The following PLCH2 variants were observed in gnomAD, a reference collection of about 807,000 sequenced individuals.
The protein encoded by PLCH2 is 1-phosphatidylinositol 4,5-bisphosphate phosphodiesterase eta-2.
A neutral mutation model predicts 134.7 loss-of-function variants in PLCH2; 98 were observed. The ratio of observed to expected loss-of-function variants is 0.73; its 90% CI spans 0.62 to 0.86. The LOEUF (loss-of-function observed/expected upper bound fraction) is 0.86. PLCH2 is among the 40% of genes least tolerant of loss of function. The probability of loss-of-function intolerance (pLI) is 0.00; values close to 1 mark genes in which losing one functional copy is unlikely to be tolerated. For missense variants in PLCH2, 1,994 were observed against 1,986.6 expected, an observed-to-expected ratio of 1.00 and a Z score of -0.07; for synonymous variants, 974 against 827.5, an observed-to-expected ratio of 1.18 and a Z score of -3.04.
chr1:2,484,424 G>A, intron 4 of PLCH2, 24 bp from the exon 5 acceptor site: 1 of 1,611,656 alleles, frequency 6.2e-7, no homozygotes, highest in South Asian at 1.1e-5. Context: ...GGTGCCAATG[G>A]GGACCCAAGG....
upstream of PLCH2, among the ~76,000 whole-genome samples, chr1:2,466,020 C>G (rs1476280248): frequency 1.3e-5 from 2 of 152,210 alleles, no homozygotes; most frequent in Non-Finnish European, 2.9e-5. Flanking sequence ...GTGGACTGTC[C>G]CAGGGGACAT....
In PLCH2 at chr1:2,480,324, G is replaced by A. The variant is rs1641894880; in HGVS notation, c.645+12G>A. ...AGCAGATGTTCAGGGTGAGCTGGGG[G>A]GAGCCCTACCTGGGCTCCAGAGCCA... is the stretch of plus-strand genomic sequence containing the variant. On this transcript the variant is annotated intron_variant, in intron 4 of 21. Transcript: ENST00000378486. 4.3e-6 allele frequency: 7 copies of A among 1,609,818 alleles called. No homozygotes were observed. Among genetic ancestry groups the A allele is most frequent in the South Asian group, 1.1e-5 (1 of 90,876 alleles).
At chr1:2,478,132 T>C (rs952293176) in intron 1 of PLCH2, among the ~76,000 whole-genome samples, 2 of 152,208 alleles carry the variant, frequency 1.3e-5, no homozygotes, top group Admixed American at 1.3e-4. Flanking sequence ...TTACCAGGGC[T>C]GCTAGGACTG....
chr1:2,501,610 A>C (rs1376394216), intron 20 of PLCH2: 1 of 155,902 alleles, frequency 6.4e-6, no homozygotes, highest in Non-Finnish European at 1.4e-5. Flanking sequence ...GGGCCGGGCA[A>C]GTGGGCCTCC....
intron 2 of PLCH2, among the ~76,000 whole-genome samples, chr1:2,452,866 G>T (rs537915304): frequency 1.6e-4 from 25 of 152,226 alleles, no homozygotes; most frequent in African/African-American, 5.5e-4. Flanking sequence ...TTTGTTGCCC[G>T]GAGCTCAGCA....
Position 2,476,479 on chromosome 1 carries a change from A to G in PLCH2, c.-110A>G. On this transcript the variant is annotated 5_prime_UTR_variant, in exon 1 of 22. Coordinates refer to ENST00000378486, the MANE Select transcript of PLCH2 (RefSeq NM_014638.4). ...AGGAGGAGGAAGAGGCAGAGGAGAG[A>G]AGGCCCCACGGAGGTCCTGTCGCCA... 9.6e-7 allele frequency: 1 copy of G among 1,040,960 alleles called. No homozygotes were observed. The highest frequency in any genetic ancestry group is 1.3e-6 in the Non-Finnish European group (1 of 746,966). The allele number at this position is 1,040,960 out of a possible 1,614,324, so 64.5% of individuals were successfully genotyped here.
rs758943913 is a variant in PLCH2 at position 2,504,498 on chromosome 1, G to A, written c.3536G>A (p.Arg1179His). ...AACCTCGCTGGAGCCCACATGGGAC[G>A]CCTGCCCCCCAGGCCCCACTCGGCT... is the stretch of plus-strand genomic sequence containing the variant. ...RENLAGAHMGRLPPRPHSASA... is the reference protein window; with the variant it reads ...RENLAGAHMGHLPPRPHSASA... Residue 1179 changes from arginine to histidine, a missense_variant, in exon 22 of 22, where the codon CGC (arginine) becomes CAC (histidine). This residue lies in a region of PLCH2 where 900 missense variants were observed against 752.3 expected (regional missense o/e 1.20). Transcript: ENST00000378486. The A allele has an allele frequency of 9.9e-6, 16 of 1,612,250 alleles. No homozygotes were observed. Among genetic ancestry groups the A allele is most frequent in the African/African-American group, 4.0e-5 (3 of 74,898 alleles).
At chr1:2,451,145 G>A (rs34977416) in intron 2 of PLCH2, among the ~76,000 whole-genome samples, 4 of 152,120 alleles carry the variant, frequency 2.6e-5, no homozygotes, top group Admixed American at 1.3e-4. Context: ...CAGCTGGGCC[G>A]AGTGCGCTCC....
chr1:2,494,735 C>T (rs1487814938), intron 11 of PLCH2, 121 bp from the exon 12 acceptor site: 2 of 706,272 alleles, frequency 2.8e-6, no homozygotes, highest in East Asian at 2.7e-5. Flanking sequence ...TGCCTTACTC[C>T]AGACCTGGCT....
chr1:2,473,761 T>G (rs1641462673), upstream of PLCH2, among the ~76,000 whole-genome samples: 1 of 152,204 alleles, frequency 6.6e-6, no homozygotes, highest in Non-Finnish European at 1.5e-5. Flanking sequence ...AGCCCCACTG[T>G]GCTGTGCAGG....
At position 2,505,321 on chromosome 1, in the gene PLCH2, C is replaced by A; in HGVS notation, c.*108C>A. 2 of 817,356 alleles carry A rather than the reference C, an allele frequency of 2.4e-6. No individual in the cohort carries two copies. The highest frequency in any genetic ancestry group is 1.8e-5 in the African/African-American group (1 of 57,044). The allele number at this position is 817,356 out of a possible 1,614,324, so 50.6% of individuals were successfully genotyped here. On this transcript the variant is annotated 3_prime_UTR_variant, in exon 22 of 22. Coordinates refer to ENST00000378486, the MANE Select transcript of PLCH2 (RefSeq NM_014638.4). The stretch of plus-strand genomic sequence containing the variant: ...GGCCCCCAAAACTGTGTCCCCCTGG[C>A]TGCCCTGTGTCCCCTCCACCCCTGC...
intron 4 of PLCH2, among the ~76,000 whole-genome samples, chr1:2,480,960 C>T (rs968202554): frequency 3.9e-5 from 6 of 152,162 alleles, no homozygotes; most frequent in Admixed American, 6.5e-5. Context: ...GCTTGGAAAG[C>T]GGGTTCTGTG....
At chr1:2,438,029 T>TG (rs1639515393) in intron 2 of PLCH2, among the ~76,000 whole-genome samples, 1 of 152,240 alleles carries the variant, frequency 6.6e-6, no homozygotes, top group Non-Finnish European at 1.5e-5. Flanking sequence ...TGGCACCTAC[T>TG]GCCTCAGCAT....
At chr1:2,461,176 G>T (rs1236103027) in intron 2 of PLCH2, among the ~76,000 whole-genome samples, 1 of 152,222 alleles carries the variant, frequency 6.6e-6, no homozygotes, top group African/African-American at 2.4e-5. Context: ...GCTGGCCAAG[G>T]CTCTGCATGG....
upstream of PLCH2, among the ~76,000 whole-genome samples, chr1:2,472,391 T>C (rs540610759): frequency 2.0e-5 from 3 of 152,132 alleles, no homozygotes; most frequent in South Asian, 2.1e-4. Context: ...TCCTGCATGC[T>C]GGGCCGGCCC....
intron 2 of PLCH2, among the ~76,000 whole-genome samples, chr1:2,434,689 C>T (rs115055472): frequency 0.018 from 2,719 of 152,296 alleles, 87 homozygotes; most frequent in African/African-American, 0.062. Context: ...AGCAGAGGAG[C>T]CCCAGGCTGC....
upstream of PLCH2, among the ~76,000 whole-genome samples, chr1:2,421,982 A>AAGAAG (rs199539062): frequency 8.9e-3 from 622 of 69,880 alleles, 2 homozygotes; most frequent in African/African-American, 0.031. Context: ...TCAAAAAAAG[A>AAGAAG]AGAAAAGGCC....
intron 8 of PLCH2, among the ~76,000 whole-genome samples, chr1:2,488,521 G>T (rs1444108523): frequency 1.3e-5 from 2 of 152,242 alleles, no homozygotes; most frequent in African/African-American, 4.8e-5. Context: ...CCACATCACA[G>T]GACTTGCTCA....
At chr1:2,477,493 G>A (rs950175281) in intron 1 of PLCH2, among the ~76,000 whole-genome samples, 3 of 152,190 alleles carry the variant, frequency 2.0e-5, no homozygotes, top group Non-Finnish European at 4.4e-5. Context: ...GACCTGGGGT[G>A]GGGATTAACG....
Sources: allele counts gnomAD v4.1 joint callset (sites outside exome capture counted in the v4.1 genomes callset), GRCh38; gene constraint gnomAD v4.1.1; regional missense constraint gnomAD v4.1.1; transcripts MANE v1.5; gene names NCBI Gene and HGNC (gene_info 2026-07-23, HGNC 2026-07-21).